The following HSPG2 variants were observed in gnomAD, a reference collection of about 807,000 sequenced individuals.
HSPG2 encodes the protein basement membrane-specific heparan sulfate proteoglycan core protein.
In HSPG2, 278 loss-of-function variants were observed where a neutral mutation model predicts 526.6. The ratio of observed to expected loss-of-function variants is 0.53; its 90% CI spans 0.48 to 0.58. The LOEUF (loss-of-function observed/expected upper bound fraction) is 0.58. Among genes scored for constraint, HSPG2 ranks in the 20% least tolerant of loss-of-function variants. The probability of loss-of-function intolerance (pLI) is 0.00; values close to 1 mark genes in which losing one functional copy is unlikely to be tolerated. For missense variants in HSPG2, 5,354 were observed against 6,099.5 expected, an observed-to-expected ratio of 0.88 and a Z score of 4.07; for synonymous variants, 2,465 against 2,555.4, an observed-to-expected ratio of 0.96 and a Z score of 1.07.
Position 21,833,555 on chromosome 1 carries a change from T to C in HSPG2, c.10890A>G (p.Ser3630=), listed in dbSNP as rs765627728. Residue 3630 remains serine (S), a synonymous_variant, in exon 79 of 97, where the codon TCA becomes TCG. Transcript: ENST00000374695. ...RLENNMLMLP[S]VRPQDAGTYV... ...AGGTACCTGCGTCCTGGGGTCGGAC[T>C]GAGGGCAGCATCAGCATGTTGTTCT... is the stretch of plus-strand genomic sequence containing the variant. 1 of 1,614,170 alleles carries C rather than the reference T, an allele frequency of 6.2e-7. No individual in the cohort carries two copies. The highest frequency in any genetic ancestry group is 8.5e-7 in the Non-Finnish European group (1 of 1,180,006).
At chr1:21,873,466 A>AAGC in intron 29 of HSPG2, 42 bp from the exon 30 acceptor site, 1 of 1,598,072 alleles carries the variant, frequency 6.3e-7, no homozygotes, top group Non-Finnish European at 8.6e-7. Context: ...GGATGAAGGG[A>AAGC]AGCAGAACCC....
intron 1 of HSPG2, among the ~76,000 whole-genome samples, chr1:21,921,226 T>C (rs10917064): frequency 2.0e-5 from 3 of 151,332 alleles, no homozygotes; most frequent in Non-Finnish European, 4.4e-5. Context: ...ACTGGCAGAG[T>C]TGGGGGTTGG....
intron 1 of HSPG2, among the ~76,000 whole-genome samples, chr1:21,927,882 A>G (rs2152803059): frequency 6.6e-6 from 1 of 152,368 alleles, no homozygotes; most frequent in South Asian, 2.1e-4. Context: ...CCATTCATTC[A>G]ACAAGCCCAG....
rs769270841 is a variant in HSPG2, at chr1:21,865,332, C to T, written c.4348G>A (p.Ala1450Thr). 1 of 1,614,122 alleles carries T rather than the reference C, an allele frequency of 6.2e-7. No individual in the cohort carries two copies. Among genetic ancestry groups the T allele is most frequent in the East Asian group, 2.2e-5 (1 of 44,876 alleles). Reference protein sequence around the residue: ...NNIMLVASQPALQGPERRSYE... With the variant: ...NNIMLVASQPTLQGPERRSYE... ...CTCCTCCTCTCAGGGCCCTGCAGCG[C>T]TGGCTGGGAGGCCACTAGCATGATG... is the stretch of plus-strand genomic sequence containing the variant. The change falls in exon 35 of 97, where the codon GCG (alanine) becomes ACG (threonine). Residue 1450 changes from alanine to threonine, a missense_variant. By Grantham distance (58) the Ala-to-Thr change is moderately conservative (BLOSUM62 0). Coordinates refer to ENST00000374695, the MANE Select transcript of HSPG2 (RefSeq NM_005529.7). This position sits in a 1 kb window ranked among gnomAD's most constrained non-coding sequence, Gnocchi z 5.4.
intron 1 of HSPG2, among the ~76,000 whole-genome samples, chr1:21,920,469 T>G (rs984011033): frequency 6.6e-6 from 1 of 152,140 alleles, no homozygotes; most frequent in African/African-American, 2.4e-5. Context: ...AGGCCCAGGC[T>G]CCCTAAAAAG....
At chr1:21,912,267 T>G (rs1344328213) in intron 1 of HSPG2, among the ~76,000 whole-genome samples, 1 of 152,062 alleles carries the variant, frequency 6.6e-6, no homozygotes, top group Admixed American at 6.6e-5. Context: ...AATGACCCCC[T>G]CACAAGGCTG....
rs1355332009 is a variant in HSPG2 at position 21,887,115 on chromosome 1, C to G, written c.1078+100G>C. 2 of 1,014,320 alleles carry G rather than the reference C, an allele frequency of 2.0e-6. No homozygotes were observed. The highest frequency in any genetic ancestry group is 3.4e-5 in the Admixed American group (1 of 29,706). The allele number at this position is 1,014,320 out of a possible 1,614,324, so 62.8% of individuals were successfully genotyped here. A position where few individuals can be genotyped will look rare whatever the true frequency, so the allele number is the denominator to read the frequency against. ...TTGGGGGACTGGGGAGGGGGGAAAG[C>G]GGAGGGGCAGGGTAGGGGCGGGGCA... On this transcript the variant is annotated intron_variant, in intron 9 of 96. Coordinates refer to ENST00000374695, the MANE Select transcript of HSPG2 (RefSeq NM_005529.7). This position sits in a 1 kb window ranked among gnomAD's most constrained non-coding sequence, Gnocchi z 5.0.
Position 21,834,789 on chromosome 1 carries a change from C to G in HSPG2, c.10610G>C (p.Gly3537Ala). Reference sequence around the variant, plus strand: ...TACGTGGGCGATCCTGACGACACCTCCGCTCTGCACAATGCCTGGCCGCAG... The same window carrying G: ...TACGTGGGCGATCCTGACGACACCTGCGCTCTGCACAATGCCTGGCCGCAG... ...GHLRPGIVQSGGVVRIAHVEL... is the reference protein window; with the variant it reads ...GHLRPGIVQSAGVVRIAHVEL... The change falls in exon 77 of 97, where the codon GGA becomes GCA. Residue 3537 changes from glycine to alanine, a missense_variant. Transcript: ENST00000374695. 1 of 1,614,212 alleles carries G rather than the reference C, an allele frequency of 6.2e-7. No homozygotes were observed. The highest frequency in any genetic ancestry group is 8.5e-7 in the Non-Finnish European group (1 of 1,180,042).
Position 21,876,229 on chromosome 1 carries a change from C to T in HSPG2, c.3003G>A (p.Lys1001=). ...WSLPSRFLGD[K]VTSYGGELRF... is the part of the protein sequence containing the mutation. ...CTTTGCCTTTCCACCCACTACCCAC[C>T]TTGTCCCCCAGGAAGCGTGAAGGGA... Residue 1001 remains lysine (K), a splice_region_variant and synonymous_variant, in exon 23 of 97, where the codon AAG becomes AAA. Transcript: ENST00000374695. The T allele has an allele frequency of 6.2e-7, 1 of 1,604,968 alleles. No individual in the cohort carries two copies. Among genetic ancestry groups the T allele is most frequent in the Non-Finnish European group, 8.5e-7 (1 of 1,175,574 alleles).
In HSPG2 at chr1:21,890,841, G is replaced by A; in HGVS notation, c.245-147C>T. The A allele has an allele frequency of 1.4e-6, 1 of 703,348 alleles. No homozygotes were observed. Among genetic ancestry groups the A allele is most frequent in the Non-Finnish European group, 2.6e-6 (1 of 389,078 alleles). 43.6% of individuals were successfully genotyped at this position (703,348 alleles called of 1,614,324 possible). A position where few individuals can be genotyped will look rare whatever the true frequency, so the allele number is the denominator to read the frequency against. ...CCTGTGTGCCCACTGCTACACCCAGGACTGCCTGTAGGTATACATGCTCAG... is the reference window on the plus strand; with the variant it reads ...CCTGTGTGCCCACTGCTACACCCAGAACTGCCTGTAGGTATACATGCTCAG... On this transcript the variant is annotated intron_variant, in intron 3 of 96. Transcript: ENST00000374695. This position sits in a 1 kb window ranked among gnomAD's most constrained non-coding sequence, Gnocchi z 4.1.
intron 14 of HSPG2, among the ~76,000 whole-genome samples, 192 bp downstream of exon 14, chr1:21,881,147 A>G (rs1374775149): frequency 1.3e-5 from 2 of 152,200 alleles, no homozygotes. Context: ...AGGGGAGGCC[A>G]GCTCTTCTTC....
At position 21,824,110 on chromosome 1, in the gene HSPG2, G is replaced by C; in HGVS notation, c.12899+11C>G. 3 of 1,611,406 alleles carry C rather than the reference G, an allele frequency of 1.9e-6. No homozygotes were observed. Among genetic ancestry groups the C allele is most frequent in the Non-Finnish European group, 2.5e-6 (3 of 1,179,120 alleles). ...TGGGCCCCATCCCGAGTGCCCGGCA[G>C]GGTCCCTTACCGCAGTGCTGTCACC... is the stretch of plus-strand genomic sequence containing the variant. On this transcript the variant is annotated intron_variant, in intron 95 of 96. Transcript: ENST00000374695. The surrounding 1 kb of genome is among the most constrained non-coding windows in gnomAD (Gnocchi z 5.9).
chr1:21,883,485 A>G (rs1374512350), intron 13 of HSPG2, among the ~76,000 whole-genome samples: 1 of 151,744 alleles, frequency 6.6e-6, no homozygotes. Context: ...GCCTGGCTAG[A>G]TTTTTTGTTT....
chr1:21,846,931 C>T (rs1253472644), intron 62 of HSPG2, among the ~76,000 whole-genome samples: 4 of 151,866 alleles, frequency 2.6e-5, no homozygotes, highest in Non-Finnish European at 5.9e-5. Context: ...ACCTGGAAGG[C>T]GGAAGTTGCA....
In HSPG2 at chr1:21,822,491, C is replaced by A; in HGVS notation, c.*825G>T. 2 of 372,008 alleles carry A rather than the reference C, an allele frequency of 5.4e-6. No homozygotes were observed. Among genetic ancestry groups the A allele is most frequent in the Non-Finnish European group, 5.2e-6 (1 of 194,000 alleles). The allele number at this position is 372,008 out of a possible 1,614,324, so 23.0% of individuals were successfully genotyped here. A position where few individuals can be genotyped will look rare whatever the true frequency, so the allele number is the denominator to read the frequency against. ...GCTCTTCCTGAGCACCAGCGGCATC[C>A]GTCCGTCCGTTGTCTGTTGGAGGAG... On this transcript the variant is annotated 3_prime_UTR_variant, in exon 97 of 97. Transcript: ENST00000374695.
intron 51 of HSPG2, 28 bp downstream of exon 51, chr1:21,852,891 G>A: frequency 6.2e-7 from 1 of 1,612,024 alleles, no homozygotes; most frequent in South Asian, 1.1e-5. Flanking sequence ...AGCCCCTCCA[G>A]CAAGGTGGTC....
rs759408333 is a variant in HSPG2 at position 21,857,075 on chromosome 1, C to T, written c.5515G>A (p.Val1839Met). Residue 1839 changes from valine to methionine, a missense_variant, in exon 44 of 97, where the codon GTG becomes ATG. Transcript: ENST00000374695. The part of the protein sequence containing the change: ...NVQLSDAGTY[V>M]CTGSNMFAMD... ...GCAAACATGTTGGAGCCGGTGCACACGTAGGTGCCTGCATCACTCAGCTGG... is the reference window on the plus strand; with the variant it reads ...GCAAACATGTTGGAGCCGGTGCACATGTAGGTGCCTGCATCACTCAGCTGG... The T allele has an allele frequency of 8.7e-6, 14 of 1,614,044 alleles. No individual in the cohort carries two copies. The highest frequency in any genetic ancestry group is 1.6e-4 in the Middle Eastern group (1 of 6,084).
chr1:21,863,067 A>AAAAAAAAAAAAAAAC (rs1639937910), intron 37 of HSPG2, among the ~76,000 whole-genome samples: 3 of 75,190 alleles, frequency 4.0e-5, no homozygotes, highest in Middle Eastern at 5.2e-3. Context: ...TCTCAAAAAA[A>AAAAAAAAAAAAAAAC]AAAAAAAAAA....
At position 21,823,240 on chromosome 1, in the gene HSPG2, ATAATAT is replaced by A; in HGVS notation, c.*70_*75del. ...CCTCGGTTTCTTACAAAAATTCATA[ATAATAT>A]TAATAATAATATACTCGACATTGTC... is the stretch of plus-strand genomic sequence containing the variant. On this transcript the variant is annotated 3_prime_UTR_variant, in exon 97 of 97. Transcript: ENST00000374695. 1 of 1,278,242 alleles carries A rather than the reference ATAATAT, an allele frequency of 7.8e-7. No homozygotes were observed. The highest frequency in any genetic ancestry group is 1.0e-6 in the Non-Finnish European group (1 of 972,564). The allele number at this position is 1,278,242 out of a possible 1,614,324, so 79.2% of individuals were successfully genotyped here.
Sources: allele counts gnomAD v4.1 joint callset (sites outside exome capture counted in the v4.1 genomes callset), GRCh38; gene constraint gnomAD v4.1.1; non-coding constraint Gnocchi (gnomAD v3.1); transcripts MANE v1.5; gene names NCBI Gene and HGNC (gene_info 2026-07-23, HGNC 2026-07-21).